The following PLCB1 variants were observed in gnomAD, a reference collection of about 807,000 sequenced individuals.
The protein encoded by PLCB1 is phospholipase C beta 1, also known as 1-phosphatidylinositol 4,5-bisphosphate phosphodiesterase beta-1.
PLCB1 carries 46 observed loss-of-function variants against 161.8 expected under a neutral mutation model. The ratio of observed to expected loss-of-function variants is 0.28; its 90% confidence interval spans 0.22 to 0.36. The LOEUF is 0.36. Ranked by LOEUF, PLCB1 falls within the 10% of genes least tolerant of loss-of-function variation. The pLI is 1.00. For missense variants in PLCB1, 1,016 were observed against 1,472.5 expected (o/e 0.69, Z 5.07); for synonymous variants, 517 against 503.7 (o/e 1.03, Z -0.35).
chr20:8,724,582 T>C (rs1979830840), intron 15 of PLCB1, 74 bp from the exon 16 acceptor site: 5 of 877,676 alleles, frequency 5.7e-6, no homozygotes, highest in Non-Finnish European at 7.4e-6. Context: ...AATCATGTTG[T>C]CATTTTCCTG....
At chr20:8,555,879 A>T (rs1321007907) in intron 3 of PLCB1, among the ~76,000 whole-genome samples, 2 of 152,060 alleles carry the variant, frequency 1.3e-5, no homozygotes, top group African/African-American at 4.8e-5. Context: ...GATGGAATCA[A>T]TTTTTTCTAT....
rs186085337 is a variant in PLCB1 at position 8,558,811 on chromosome 20, A to C, written c.247-69483A>C. 3.9e-3 allele frequency among the ~76,000 whole-genome samples: 592 copies of C among 152,066 alleles called. 2 individuals are homozygous for C. Among genetic ancestry groups the C allele is most frequent in the African/African-American group, 0.013 (548 of 41,546 alleles). ...AAATGCCAAAACAGGAGGAAAAAAC[A>C]ACCTGTCAACCAAGAATTGTATACC... On this transcript the variant is annotated intron_variant, in intron 3 of 31. Transcript: ENST00000338037.
chr20:8,328,240 A>G (rs1411756421), intron 2 of PLCB1, among the ~76,000 whole-genome samples: 1 of 152,074 alleles, frequency 6.6e-6, no homozygotes, highest in African/African-American at 2.4e-5. Context: ...ACATGATAAC[A>G]TGACTAGGGG....
At chr20:8,629,795 T>C (rs200415491) in intron 4 of PLCB1, among the ~76,000 whole-genome samples, 19,689 of 74,146 alleles carry the variant, frequency 0.27, 1,496 homozygotes, top group Middle Eastern at 0.35. Flanking sequence ...CCTTCCTTTC[T>C]TTCTTTTCTT....
At chr20:8,618,587 A>G (rs1039292008) in intron 3 of PLCB1, among the ~76,000 whole-genome samples, 1 of 152,212 alleles carries the variant, frequency 6.6e-6, no homozygotes, top group Non-Finnish European at 1.5e-5. Flanking sequence ...AATAGACACA[A>G]TCACATAACT....
intron 23 of PLCB1, among the ~76,000 whole-genome samples, chr20:8,755,845 A>T (rs1339637627): frequency 2.6e-5 from 4 of 152,232 alleles, no homozygotes; most frequent in African/African-American, 9.6e-5. Flanking sequence ...GGGTTACATA[A>T]TTGTTTTCAG....
At chr20:8,196,882 T>G (rs1322183112) in intron 2 of PLCB1, among the ~76,000 whole-genome samples, 1 of 151,492 alleles carries the variant, frequency 6.6e-6, no homozygotes, top group African/African-American at 2.4e-5. Flanking sequence ...AGTGTTCTCA[T>G]TGTTCAATTC....
intron 4 of PLCB1, among the ~76,000 whole-genome samples, chr20:8,641,781 C>T (rs1008631170): frequency 2.0e-5 from 3 of 152,180 alleles, no homozygotes; most frequent in Admixed American, 1.3e-4. Flanking sequence ...GGGAAGAACC[C>T]GTCAGTAAGG....
At chr20:8,371,052 A>G (rs1986887810) in intron 2 of PLCB1, 2 of 233,636 alleles carry the variant, frequency 8.6e-6, no homozygotes, top group Admixed American at 5.2e-5. Flanking sequence ...TCATACCCTC[A>G]CCTACGCTCA....
intron 3 of PLCB1, among the ~76,000 whole-genome samples, chr20:8,391,519 G>A (rs1987583542): frequency 6.6e-6 from 1 of 151,922 alleles, no homozygotes; most frequent in South Asian, 2.1e-4. Flanking sequence ...GGAATAACAA[G>A]GTTAGGGGTC....
intron 10 of PLCB1, among the ~76,000 whole-genome samples, chr20:8,687,983 C>G (rs1568560962): frequency 6.6e-6 from 1 of 152,198 alleles, no homozygotes; most frequent in Non-Finnish European, 1.5e-5. Flanking sequence ...ATTGCTGCAT[C>G]CATGCCAACT....
intron 2 of PLCB1, among the ~76,000 whole-genome samples, chr20:8,361,839 G>A (rs916523849): frequency 2.6e-5 from 4 of 152,138 alleles, no homozygotes; most frequent in Admixed American, 2.6e-4. Flanking sequence ...TTTGCCTGAT[G>A]AATCTATATC....
At chr20:8,527,822 T>C (rs1049370148) in intron 3 of PLCB1, among the ~76,000 whole-genome samples, 1 of 152,038 alleles carries the variant, frequency 6.6e-6, no homozygotes, top group African/African-American at 2.4e-5. Context: ...TTTAATTAAT[T>C]GAAAAAATAA....
chr20:8,206,794 G>T (rs1600233949), intron 2 of PLCB1, among the ~76,000 whole-genome samples: 1 of 151,296 alleles, frequency 6.6e-6, no homozygotes, highest in East Asian at 1.9e-4. Flanking sequence ...AAAAAAAAAA[G>T]ATTGTCATTA....
At chr20:8,543,830 T>C (rs2423376) in intron 3 of PLCB1, among the ~76,000 whole-genome samples, 45,438 of 151,852 alleles carry the variant, frequency 0.3, 7,271 homozygotes, top group Non-Finnish European at 0.33. Context: ...AGGGGGCTCA[T>C]TCTCATTCTC....
At chr20:8,852,693 C>G (rs1338015411) in intron 31 of PLCB1, among the ~76,000 whole-genome samples, 1 of 152,188 alleles carries the variant, frequency 6.6e-6, no homozygotes, top group Non-Finnish European at 1.5e-5. Context: ...GCCAGAGGCC[C>G]CCACAAATCT....
chr20:8,283,601 G>C (rs1982982397), intron 2 of PLCB1, among the ~76,000 whole-genome samples: 1 of 151,062 alleles, frequency 6.6e-6, no homozygotes, highest in Non-Finnish European at 1.5e-5. Flanking sequence ...TTATTTTTCA[G>C]TTCTCTAAGA....
intron 18 of PLCB1, among the ~76,000 whole-genome samples, chr20:8,730,914 T>C (rs1329313527): frequency 1.3e-5 from 2 of 151,784 alleles, no homozygotes; most frequent in Non-Finnish European, 1.5e-5. Context: ...TTACAAATGA[T>C]CATCTTTCTA....
chr20:8,368,528 C>CAAAA (rs1216338206), intron 2 of PLCB1, among the ~76,000 whole-genome samples: 37 of 63,722 alleles, frequency 5.8e-4, no homozygotes, highest in Admixed American at 1.0e-3. Flanking sequence ...CTCTGTCTCT[C>CAAAA]AAAAAAAAAA....
Sources: allele counts gnomAD v4.1 joint callset (sites outside exome capture counted in the v4.1 genomes callset), GRCh38; gene constraint gnomAD v4.1.1; transcripts MANE v1.5; gene names NCBI Gene and HGNC (gene_info 2026-07-23, HGNC 2026-07-21).